ART3: variants seen among roughly 807,000 people sequenced by gnomAD.
ART3 encodes ADP-ribosyltransferase 3 (inactive), also known as ecto-ADP-ribosyltransferase 3.
In ART3, 49 loss-of-function variants were observed where a neutral mutation model predicts 48.5. That is an observed-to-expected ratio of 1.01 (90% CI 0.80 to 1.28). ART3 has a LOEUF of 1.28. Ranked by LOEUF, ART3 falls within the 50% of genes most tolerant of loss-of-function variation. ART3 has a pLI of 0.00. For missense variants in ART3, 438 were observed against 454.3 expected, an observed-to-expected ratio of 0.96 and a Z score of 0.33; for synonymous variants, 145 against 157.2, an observed-to-expected ratio of 0.92 and a Z score of 0.58.
At chr4:76,022,852 A>G (rs769298828) in intron 1 of ART3, 1 of 1,588,696 alleles carries the variant, frequency 6.3e-7, no homozygotes, top group Non-Finnish European at 8.5e-7. Context: ...GAAGGTTAGC[A>G]CAGTGTTCAT....
intron 1 of ART3, among the ~76,000 whole-genome samples, chr4:76,066,713 C>T (rs1250347772): frequency 6.6e-6 from 1 of 152,130 alleles, no homozygotes; most frequent in African/African-American, 2.4e-5. Context: ...CCACTCCAGT[C>T]AGTGGAACTG....
intron 10 of ART3, among the ~76,000 whole-genome samples, chr4:76,105,256 C>T (rs185677403): frequency 3.3e-4 from 51 of 152,248 alleles, no homozygotes; most frequent in African/African-American, 1.1e-3. Flanking sequence ...AGGCAGCCAC[C>T]GAGCATGGTG....
chr4:76,045,813 G>A (rs577930132), intron 1 of ART3, among the ~76,000 whole-genome samples: 4 of 152,096 alleles, frequency 2.6e-5, no homozygotes, highest in African/African-American at 9.6e-5. Flanking sequence ...GAGATCCATA[G>A]TCAGCAAAAG....
At chr4:76,030,397 A>C (rs6845396) in intron 1 of ART3, among the ~76,000 whole-genome samples, 93,225 of 152,180 alleles carry the variant, frequency 0.61, 29,653 homozygotes, top group East Asian at 0.94. Flanking sequence ...TGTCTTGATT[A>C]TTTTTGTACA....
intron 1 of ART3, among the ~76,000 whole-genome samples, chr4:76,040,917 T>C (rs1354938635): frequency 6.6e-6 from 1 of 152,174 alleles, no homozygotes; most frequent in Non-Finnish European, 1.5e-5. Context: ...TACTCTCTCC[T>C]TCTATAACAC....
At chr4:76,080,679 T>A (rs1722264342) in intron 2 of ART3, among the ~76,000 whole-genome samples, 1 of 150,754 alleles carries the variant, frequency 6.6e-6, no homozygotes, top group African/African-American at 2.5e-5. Flanking sequence ...CTCAGCTAAT[T>A]TTTGTATTTT....
At chr4:76,051,841 T>C (rs1451863037) in intron 1 of ART3, among the ~76,000 whole-genome samples, 2 of 150,884 alleles carry the variant, frequency 1.3e-5, no homozygotes, top group Non-Finnish European at 2.9e-5. Context: ...TGTACCTGGC[T>C]GACAATGAAT....
intron 10 of ART3, among the ~76,000 whole-genome samples, chr4:76,106,888 G>A (rs895954461): frequency 2.0e-5 from 3 of 152,116 alleles, no homozygotes; most frequent in East Asian, 1.9e-4. Context: ...CCAAGATGAC[G>A]GTGCTCCTGC....
intron 1 of ART3, among the ~76,000 whole-genome samples, chr4:76,060,923 CAAAG>C (rs988916002): frequency 2.7e-4 from 41 of 152,284 alleles, no homozygotes; most frequent in African/African-American, 9.6e-4. Flanking sequence ...CCCGAATGAG[CAAAG>C]AAATTGATTC....
At chr4:76,050,840 A>C (rs903623186) in intron 1 of ART3, among the ~76,000 whole-genome samples, 1 of 152,224 alleles carries the variant, frequency 6.6e-6, no homozygotes, top group African/African-American at 2.4e-5. Context: ...AATGGAGCGC[A>C]GTGCCAGTGG....
At chr4:76,050,028 C>T (rs561002164) in intron 1 of ART3, among the ~76,000 whole-genome samples, 3 of 151,636 alleles carry the variant, frequency 2.0e-5, no homozygotes, top group African/African-American at 4.8e-5. Flanking sequence ...TGGAGTTGTT[C>T]GTTCCTCCCG....
intron 2 of ART3, among the ~76,000 whole-genome samples, chr4:76,077,306 T>C (rs2149526877): frequency 6.6e-6 from 1 of 152,310 alleles, no homozygotes; most frequent in African/African-American, 2.4e-5. Context: ...CTGGCTTCTT[T>C]CACTTAGCAT....
intron 1 of ART3, among the ~76,000 whole-genome samples, chr4:76,060,161 A>G (rs1261666530): frequency 6.6e-6 from 1 of 152,150 alleles, no homozygotes; most frequent in East Asian, 1.9e-4. Flanking sequence ...GATACCCCAA[A>G]TTCAAGCCTT....
chr4:76,046,156 G>A (rs1735480357), intron 1 of ART3, among the ~76,000 whole-genome samples: 2 of 152,012 alleles, frequency 1.3e-5, no homozygotes, highest in African/African-American at 4.8e-5. Flanking sequence ...ACAGATGAGG[G>A]CTATCCCTAA....
At chr4:76,098,632 G>A (rs182594006) in intron 4 of ART3, among the ~76,000 whole-genome samples, 87 of 152,112 alleles carry the variant, frequency 5.7e-4, no homozygotes, top group African/African-American at 1.9e-3. Flanking sequence ...GGTGGCAGGC[G>A]CCTGTAATCC....
At chr4:76,049,655 A>C (rs1031498081) in intron 1 of ART3, among the ~76,000 whole-genome samples, 8 of 151,928 alleles carry the variant, frequency 5.3e-5, no homozygotes, top group African/African-American at 1.9e-4. Flanking sequence ...ATTTTAAGGA[A>C]AAATAGGACA....
chr4:76,041,329 T>A, intron 1 of ART3: 1 of 152,246 alleles, frequency 6.6e-6, no homozygotes, highest in East Asian at 1.9e-4. Context: ...CTATTTTTTA[T>A]ATTTGTATAA....
At chr4:76,069,920 A>T (rs28445655), upstream of ART3, among the ~76,000 whole-genome samples, 2 of 151,864 alleles carry the variant, frequency 1.3e-5, no homozygotes, top group East Asian at 3.9e-4. Context: ...CTCAGAGTGG[A>T]ATTTCTGGAT....
chr4:76,035,857 A>G, intron 1 of ART3: 1 of 1,347,624 alleles, frequency 7.4e-7, no homozygotes, highest in Non-Finnish European at 1.1e-6. Context: ...TTAGGATAAA[A>G]GTGGAAGAAA....
Sources: allele counts gnomAD v4.1 joint callset (sites outside exome capture counted in the v4.1 genomes callset), GRCh38; gene constraint gnomAD v4.1.1; transcripts MANE v1.5; gene names NCBI Gene and HGNC (gene_info 2026-07-23, HGNC 2026-07-21).